ZNRF3: variants seen among roughly 807,000 people sequenced by gnomAD.
The protein encoded by ZNRF3 is E3 ubiquitin-protein ligase ZNRF3.
Under a neutral mutation model 72.5 loss-of-function variants are expected in ZNRF3, and 23 were observed. That is an observed-to-expected ratio of 0.32 (90% CI 0.23 to 0.45). The LOEUF (loss-of-function observed/expected upper bound fraction) is 0.45. Ranked by LOEUF, ZNRF3 falls within the 20% of genes least tolerant of loss-of-function variation. The pLI, the probability that ZNRF3 is intolerant of heterozygous loss-of-function variation, is 1.00. For synonymous variants in ZNRF3, 610 were observed against 545.3 expected, an observed-to-expected ratio of 1.12 and a Z score of -1.65; for missense variants, 1,169 against 1,272.1, an observed-to-expected ratio of 0.92 and a Z score of 1.23.
At chr22:28,922,156 T>G (rs1161208342) in intron 1 of ZNRF3, among the ~76,000 whole-genome samples, 4 of 152,280 alleles carry the variant, frequency 2.6e-5, no homozygotes, top group African/African-American at 7.2e-5. Flanking sequence ...TGGTGTCATG[T>G]TGGTGCTCAG....
chr22:29,014,650 G>T (rs1446695466), intron 2 of ZNRF3, among the ~76,000 whole-genome samples: 1 of 152,194 alleles, frequency 6.6e-6, no homozygotes, highest in Non-Finnish European at 1.5e-5. Context: ...TGTTTATTAA[G>T]CACTGCCTGT....
intron 2 of ZNRF3, among the ~76,000 whole-genome samples, chr22:29,012,212 T>C (rs1379785665): frequency 2.0e-5 from 3 of 152,228 alleles, no homozygotes; most frequent in African/African-American, 7.2e-5. Context: ...AAGAGAGAAC[T>C]GTAGCTCTGA....
intron 2 of ZNRF3, among the ~76,000 whole-genome samples, chr22:29,038,068 C>T (rs966744403): frequency 2.0e-5 from 3 of 152,178 alleles, no homozygotes; most frequent in Non-Finnish European, 2.9e-5. Context: ...TGCATCTTTC[C>T]CATCCTTTCT....
chr22:28,906,512 C>G (rs1029359954), intron 1 of ZNRF3, among the ~76,000 whole-genome samples: 3 of 152,224 alleles, frequency 2.0e-5, no homozygotes, highest in African/African-American at 7.2e-5. Context: ...GTCATCCAAC[C>G]TCTCTGAACC....
intron 8 of ZNRF3, among the ~76,000 whole-genome samples, chr22:29,052,830 ATT>A (rs1004650350): frequency 3.3e-5 from 5 of 151,508 alleles, no homozygotes; most frequent in Admixed American, 6.6e-5. Context: ...TTAAAAAAAA[ATT>A]TTTTTTTAAT....
At chr22:29,037,637 T>TTTGCTCTTTTGCTACTTAC (rs2036890156) in intron 2 of ZNRF3, among the ~76,000 whole-genome samples, 1 of 152,164 alleles carries the variant, frequency 6.6e-6, no homozygotes, top group African/African-American at 2.4e-5. Context: ...GGCGCAAGTG[T>TTTGCTCTTTTGCTACTTAC]TTGCTCTTTT....
chr22:28,968,295 C>CT (rs1206382509), intron 1 of ZNRF3, among the ~76,000 whole-genome samples: 1 of 152,106 alleles, frequency 6.6e-6, no homozygotes, highest in Non-Finnish European at 1.5e-5. Flanking sequence ...ATACATTATT[C>CT]TTTTTTAAAA....
intron 1 of ZNRF3, among the ~76,000 whole-genome samples, chr22:28,970,879 T>C (rs1480347984): frequency 6.6e-6 from 1 of 152,236 alleles, no homozygotes; most frequent in Non-Finnish European, 1.5e-5. Context: ...AGAAATGGAC[T>C]ATCAGGGAAC....
intron 2 of ZNRF3, among the ~76,000 whole-genome samples, chr22:29,004,600 T>A (rs1039982170): frequency 1.3e-5 from 2 of 152,180 alleles, no homozygotes; most frequent in Non-Finnish European, 2.9e-5. Context: ...GTGGCATGTC[T>A]CCTTTCAAGC....
At chr22:29,005,390 TG>T (rs1335095890) in intron 2 of ZNRF3, among the ~76,000 whole-genome samples, 1 of 152,224 alleles carries the variant, frequency 6.6e-6, no homozygotes, top group African/African-American at 2.4e-5. Context: ...TATAGATTGG[TG>T]AGAGAGTGTT....
At chr22:28,927,408 C>A (rs1261025209) in intron 1 of ZNRF3, among the ~76,000 whole-genome samples, 8 of 151,884 alleles carry the variant, frequency 5.3e-5, no homozygotes, top group South Asian at 2.1e-4. Flanking sequence ...AACAAACAAA[C>A]AAAAAAAACC....
At chr22:29,024,976 C>CTTTTTTTTTTT in intron 2 of ZNRF3, 1 of 110,458 alleles carries the variant, frequency 9.1e-6, no homozygotes, top group Non-Finnish European at 1.8e-5. Context: ...CCCTGTGCTA[C>CTTTTTTTTTTT]TTTTTTTTTT....
chr22:29,023,702 G>C (rs919869698), intron 2 of ZNRF3, among the ~76,000 whole-genome samples: 5 of 152,340 alleles, frequency 3.3e-5, no homozygotes, highest in African/African-American at 1.2e-4. Flanking sequence ...ATGTGGGGCT[G>C]TCTGGCCAGA....
At chr22:28,939,361 A>T (rs2034899550) in intron 1 of ZNRF3, among the ~76,000 whole-genome samples, 1 of 152,172 alleles carries the variant, frequency 6.6e-6, no homozygotes, top group Non-Finnish European at 1.5e-5. Context: ...TACATATAAG[A>T]AGTAGCTATT....
intron 1 of ZNRF3, among the ~76,000 whole-genome samples, chr22:28,964,222 C>T (rs1285661541): frequency 6.6e-6 from 1 of 152,160 alleles, no homozygotes; most frequent in African/African-American, 2.4e-5. Context: ...GATTGTGTTT[C>T]TAAGTGAGGG....
chr22:28,945,778 T>C (rs2035043618), intron 1 of ZNRF3, among the ~76,000 whole-genome samples: 1 of 151,938 alleles, frequency 6.6e-6, no homozygotes. Context: ...TCTGCCCGCC[T>C]CGGCCTCCTG....
In ZNRF3 at chr22:28,902,022, C is replaced by T. The variant is rs1203061292; in HGVS notation, c.300+17956C>T. Among the ~76,000 whole-genome samples, 6 of 149,800 alleles carry T rather than the reference C, an allele frequency of 4.0e-5. No homozygotes were observed. In the East Asian group the frequency reaches 5.9e-4, roughly 15 times the overall value. The stretch of plus-strand genomic sequence containing the variant: ...CATGATCTTGGCTCACTGCAACCTC[C>T]GCCTCCAGGGCTCAAGCAATTCTCC... On this transcript the variant is annotated intron_variant, in intron 1 of 8. Coordinates refer to ENST00000544604, the MANE Select transcript of ZNRF3 (RefSeq NM_001206998.2).
chr22:28,934,846 G>A (rs1038132537), intron 1 of ZNRF3, among the ~76,000 whole-genome samples: 2 of 148,470 alleles, frequency 1.3e-5, no homozygotes, highest in African/African-American at 2.5e-5. Flanking sequence ...AAAGTATATT[G>A]ATTAAAAAGG....
intron 2 of ZNRF3, among the ~76,000 whole-genome samples, chr22:29,019,114 C>T (rs944121602): frequency 4.0e-5 from 6 of 151,802 alleles, no homozygotes; most frequent in African/African-American, 1.2e-4. Context: ...GGTTCCCAGC[C>T]GCAAGAGAGG....
Sources: allele counts gnomAD v4.1 joint callset (sites outside exome capture counted in the v4.1 genomes callset), GRCh38; gene constraint gnomAD v4.1.1; transcripts MANE v1.5; gene names NCBI Gene and HGNC (gene_info 2026-07-23, HGNC 2026-07-21).